SMARCAL1: variants seen among roughly 807,000 people sequenced by gnomAD.
SMARCAL1 encodes ATP-driven annealing helicase.
In SMARCAL1, 58 loss-of-function variants were observed where a neutral mutation model predicts 94.5. The ratio of observed to expected loss-of-function variants is 0.61; its 90% CI spans 0.50 to 0.76. SMARCAL1 has a LOEUF of 0.76. Ranked by LOEUF, SMARCAL1 falls within the 30% of genes least tolerant of loss-of-function variation. The pLI, the probability that SMARCAL1 is intolerant of heterozygous loss-of-function variation, is 0.00. For synonymous variants in SMARCAL1, 422 were observed against 455.1 expected, an observed-to-expected ratio of 0.93 and a Z score of 0.93; for missense variants, 1,051 against 1,177.9, an observed-to-expected ratio of 0.89 and a Z score of 1.58.
chr2:216,439,853 G>A (rs1475141178), intron 10 of SMARCAL1, among the ~76,000 whole-genome samples: 3 of 152,166 alleles, frequency 2.0e-5, no homozygotes, highest in African/African-American at 7.2e-5. Flanking sequence ...CTTGAGACCA[G>A]GAGTTTGAGA....
intron 11 of SMARCAL1, among the ~76,000 whole-genome samples, chr2:216,450,645 C>A (rs1023749433): frequency 3.6e-4 from 55 of 152,206 alleles, no homozygotes; most frequent in African/African-American, 1.3e-3. Flanking sequence ...TTATTCATCT[C>A]ATTCCTGACT....
chr2:216,434,709 G>A (rs1486764774), intron 8 of SMARCAL1, among the ~76,000 whole-genome samples: 1 of 152,040 alleles, frequency 6.6e-6, no homozygotes, highest in African/African-American at 2.4e-5. Context: ...GCCAAGTATG[G>A]TGGTGTGCAC....
chr2:216,457,482 A>C (rs1170918955), intron 12 of SMARCAL1, among the ~76,000 whole-genome samples: 1 of 152,210 alleles, frequency 6.6e-6, no homozygotes, highest in East Asian at 1.9e-4. Flanking sequence ...ATTATAACAA[A>C]CTGTCTCTCA....
At chr2:216,450,794 G>T in intron 11 of SMARCAL1, 52 bp from the exon 12 acceptor site, 1 of 1,467,168 alleles carries the variant, frequency 6.8e-7, no homozygotes, top group Non-Finnish European at 9.5e-7. Flanking sequence ...GTCCCTGTTG[G>T]ACTGGGCCTG....
At position 216,475,189 on chromosome 2, in the gene SMARCAL1, C is replaced by A; in HGVS notation, c.2245-80C>A. On this transcript the variant is annotated intron_variant, in intron 14 of 17. Transcript: ENST00000357276. The surrounding 1 kb of genome is among the most constrained non-coding windows in gnomAD (Gnocchi z 4.4). ...TGCTGAGCTGGAACCTGGTTCTGTG[C>A]TGGAGCTGTGGCTGGGTGTGGTTTG... 1.4e-6 allele frequency: 2 copies of A among 1,448,802 alleles called. No individual in the cohort carries two copies. The highest frequency in any genetic ancestry group is 1.9e-6 in the Non-Finnish European group (2 of 1,036,632). 89.7% of individuals were successfully genotyped at this position (1,448,802 alleles called of 1,614,324 possible).
At chr2:216,427,369 GC>G (rs1693858825) in intron 6 of SMARCAL1, 1 of 152,174 alleles carries the variant, frequency 6.6e-6, no homozygotes, top group South Asian at 2.1e-4. Context: ...CTCTTAAATG[GC>G]CGAAGGAACA....
In SMARCAL1 at chr2:216,423,525, G is replaced by A. The variant is rs1693768946; in HGVS notation, c.1097-108G>A. 4.3e-6 allele frequency: 4 copies of A among 935,990 alleles called. No individual in the cohort carries two copies. The African/African-American group carries it at 6.5e-5, about 15-fold the overall frequency. The allele number at this position is 935,990 out of a possible 1,614,324, so 58.0% of individuals were successfully genotyped here. ...TAGGTACAGGACCAGCTGCCACATTGTCTAAGCTGAATGGAAGTTTATGAA... is the reference window on the plus strand; with the variant it reads ...TAGGTACAGGACCAGCTGCCACATTATCTAAGCTGAATGGAAGTTTATGAA... On this transcript the variant is annotated intron_variant, in intron 5 of 17. Coordinates refer to ENST00000357276, the MANE Select transcript of SMARCAL1 (RefSeq NM_014140.4).
chr2:216,424,630 A>G (rs1020104282), intron 6 of SMARCAL1, among the ~76,000 whole-genome samples: 8 of 152,280 alleles, frequency 5.3e-5, no homozygotes, highest in African/African-American at 1.4e-4. Context: ...GTGACTTACT[A>G]TGTGACATTG....
At chr2:216,454,552 T>C (rs539289991) in intron 12 of SMARCAL1, among the ~76,000 whole-genome samples, 1 of 152,304 alleles carries the variant, frequency 6.6e-6, no homozygotes, top group South Asian at 2.1e-4. Flanking sequence ...TTGCCTCAGT[T>C]TCCTAATCTG....
chr2:216,425,164 A>AC (rs765777346), intron 6 of SMARCAL1, among the ~76,000 whole-genome samples: 4 of 152,090 alleles, frequency 2.6e-5, no homozygotes, highest in African/African-American at 4.8e-5. Context: ...CAGATTCCAC[A>AC]CCCACTGAGG....
At chr2:216,445,066 T>A (rs568921267) in intron 10 of SMARCAL1, among the ~76,000 whole-genome samples, 27 of 152,312 alleles carry the variant, frequency 1.8e-4, no homozygotes. Context: ...ATTTCTTGGG[T>A]GTTGCTTTTC....
At chr2:216,454,248 G>GT (rs1694509609) in intron 12 of SMARCAL1, among the ~76,000 whole-genome samples, 1 of 152,156 alleles carries the variant, frequency 6.6e-6, no homozygotes, top group Non-Finnish European at 1.5e-5. Flanking sequence ...TTAATAGAGA[G>GT]TATTAGGTCT....
intron 12 of SMARCAL1, among the ~76,000 whole-genome samples, chr2:216,453,897 C>G (rs990337528): frequency 2.6e-5 from 4 of 152,124 alleles, no homozygotes; most frequent in African/African-American, 9.7e-5. Context: ...GGTGAAGGAG[C>G]CAATTTATAG....
intron 12 of SMARCAL1, among the ~76,000 whole-genome samples, chr2:216,454,447 A>G (rs1221216520): frequency 1.3e-5 from 2 of 152,224 alleles, no homozygotes; most frequent in Non-Finnish European, 2.9e-5. Flanking sequence ...CCATCAGCCC[A>G]GATATTTGAG....
intron 4 of SMARCAL1, among the ~76,000 whole-genome samples, chr2:216,417,500 G>A (rs1693627727): frequency 6.6e-6 from 1 of 152,074 alleles, no homozygotes. Context: ...AAATCCCTAG[G>A]GTCTCTCCCT....
chr2:216,461,201 A>G (rs985136274), intron 12 of SMARCAL1, among the ~76,000 whole-genome samples: 1 of 151,996 alleles, frequency 6.6e-6, no homozygotes, highest in Non-Finnish European at 1.5e-5. Context: ...AAAATTTCCT[A>G]TAGTGCACAT....
chr2:216,414,743 T>G lies in SMARCAL1; in HGVS notation c.39T>G (p.Ile13Met), dbSNP rs750249967. Residue 13 changes from isoleucine (I) to methionine (M), a missense_variant, in exon 3 of 18, where the codon ATT (isoleucine) becomes ATG (methionine). Ile to Met is a conservative substitution (Grantham distance 10). This residue lies in a region of SMARCAL1 where 398 missense variants were observed against 395.2 expected (regional missense o/e 1.01). Transcript: ENST00000357276. Reference protein sequence around the residue: ...LPLTEEQRKKIEENRQKALAR... With the variant: ...LPLTEEQRKKMEENRQKALAR... ...TTACAGAGGAGCAGAGGAAAAAGATTGAAGAGAATCGACAAAAGGCTCTGG... is the reference window on the plus strand; with the variant it reads ...TTACAGAGGAGCAGAGGAAAAAGATGGAAGAGAATCGACAAAAGGCTCTGG... 2 of 1,614,178 alleles carry G rather than the reference T, an allele frequency of 1.2e-6. No homozygotes were observed. Among genetic ancestry groups the G allele is most frequent in the East Asian group, 2.2e-5 (1 of 44,874 alleles).
Position 216,435,409 on chromosome 2 carries a change from G to C in SMARCAL1, c.1557G>C (p.Leu519=). 1.9e-6 allele frequency: 3 copies of C among 1,614,152 alleles called. No homozygotes were observed. Among genetic ancestry groups the C allele is most frequent in the Non-Finnish European group, 2.5e-6 (3 of 1,180,014 alleles). The change falls in exon 9 of 18, where the codon CTG becomes CTC. Residue 519 remains leucine, a synonymous_variant. Transcript: ENST00000357276. The stretch of plus-strand genomic sequence containing the variant: ...TCGTGGTGACTGGGAAGGACCGCCT[G>C]ACAGCTGGCCTGATCAACATTGTCA... ...INVVVTGKDR[L]TAGLINIVSF...
At chr2:216,432,041 G>A (rs1261322737) in intron 7 of SMARCAL1, among the ~76,000 whole-genome samples, 1 of 150,758 alleles carries the variant, frequency 6.6e-6, no homozygotes, top group Non-Finnish European at 1.5e-5. Context: ...TTTTTTTTCA[G>A]ATGGAGTTTC....
Sources: gnomAD v4.1 joint callset for allele counts (sites outside exome capture counted in the v4.1 genomes callset) on GRCh38, gnomAD v4.1.1 for gene constraint, gnomAD v4.1.1 regional missense constraint, Gnocchi (gnomAD v3.1) non-coding constraint, MANE v1.5 for transcripts, NCBI Gene and HGNC (gene_info 2026-07-23, HGNC 2026-07-21) for gene names.